PSEN1: variants seen among roughly 807,000 people sequenced by gnomAD.
PSEN1 encodes the protein presenilin 1.
Under a neutral mutation model 53.5 loss-of-function variants are expected in PSEN1, and 15 were observed. The ratio of observed to expected loss-of-function variants is 0.28; its 90% confidence interval spans 0.19 to 0.43. The LOEUF is 0.43. Among genes scored for constraint, PSEN1 ranks in the 20% least tolerant of loss-of-function variants. The pLI is 1.00. For synonymous variants in PSEN1, 208 were observed against 209.8 expected, an observed-to-expected ratio of 0.99 and a Z score of 0.08; for missense variants, 387 against 571.2, an observed-to-expected ratio of 0.68 and a Z score of 3.29.
rs1900054963 is a variant in PSEN1 at position 73,219,277 on chromosome 14, A to G, written c.1392A>G (p.Gln464=). The G allele has an allele frequency of 1.2e-6, 2 of 1,613,478 alleles. No individual in the cohort carries two copies. The highest frequency in any genetic ancestry group is 1.7e-6 in the Non-Finnish European group (2 of 1,179,502). ...TTATGGACCAATTAGCATTCCATCA[A>G]TTTTATATCTAGCATATTTGCGGTT... is the stretch of plus-strand genomic sequence containing the variant. ...QPFMDQLAFH[Q]FYI Residue 464 remains glutamine (Q), a synonymous_variant, in exon 12 of 12, where the codon CAA becomes CAG. Coordinates refer to ENST00000324501, the MANE Select transcript of PSEN1 (RefSeq NM_000021.4).
intron 10 of PSEN1, among the ~76,000 whole-genome samples, chr14:73,213,792 A>G (rs1259903652): frequency 6.6e-6 from 1 of 152,256 alleles, no homozygotes; most frequent in Non-Finnish European, 1.5e-5. Flanking sequence ...ATGCAAATCA[A>G]AACCACTTCA....
rs150292692 is a variant in PSEN1, at chr14:73,157,497, A to G, written c.87+9391A>G. ...GTGGTATAATTGACGTAAAATGTAC[A>G]TACTTAAAGTATACAGTGTGATGTT... On this transcript the variant is annotated intron_variant, in intron 3 of 11. Transcript: ENST00000324501. 3.3e-3 allele frequency among the ~76,000 whole-genome samples: 502 copies of G among 152,282 alleles called. 13 individuals are homozygous for G. Among genetic ancestry groups the G allele is most frequent in the Admixed American group, 0.029 (436 of 15,278 alleles).
intron 10 of PSEN1, among the ~76,000 whole-genome samples, chr14:73,216,132 C>T (rs554175516): frequency 2.0e-5 from 3 of 152,294 alleles, no homozygotes; most frequent in Admixed American, 6.5e-5. Flanking sequence ...AAACTGTAGA[C>T]ACATGCAGTA....
At chr14:73,210,589 A>G (rs1281533069) in intron 9 of PSEN1, among the ~76,000 whole-genome samples, 1 of 152,176 alleles carries the variant, frequency 6.6e-6, no homozygotes. Context: ...AGAAGTGAGG[A>G]GGGAGGGGGT....
At chr14:73,159,508 C>T (rs1279396928) in intron 3 of PSEN1, among the ~76,000 whole-genome samples, 1 of 152,118 alleles carries the variant, frequency 6.6e-6, no homozygotes, top group African/African-American at 2.4e-5. Flanking sequence ...GATTGTTATA[C>T]GTGGTCCAAG....
intron 8 of PSEN1, among the ~76,000 whole-genome samples, chr14:73,204,960 A>C (rs1364346550): frequency 6.6e-6 from 1 of 152,174 alleles, no homozygotes; most frequent in African/African-American, 2.4e-5. Flanking sequence ...GATTTAGTTA[A>C]ACAGTGTATT....
At chr14:73,181,890 C>T (rs575188803) in intron 5 of PSEN1, among the ~76,000 whole-genome samples, 1 of 152,180 alleles carries the variant, frequency 6.6e-6, no homozygotes, top group Non-Finnish European at 1.5e-5. Context: ...CCTCCCACCT[C>T]AACCTCCATG....
intron 6 of PSEN1, among the ~76,000 whole-genome samples, chr14:73,192,102 G>T (rs1486700366): frequency 6.6e-6 from 1 of 151,804 alleles, no homozygotes; most frequent in Non-Finnish European, 1.5e-5. Context: ...AAAAAGTTCA[G>T]CTTGGGAAAA....
rs1439647299 is a variant in PSEN1, at chr14:73,175,175, G to A, written c.480+1468G>A. On this transcript the variant is annotated intron_variant, in intron 5 of 11. Transcript: ENST00000324501. ...AAGTCTCGCTCTTGTCCCGCAGGCTGGAGTGTGACAGCGCGATCTTGGCTC... is the reference window on the plus strand; with the variant it reads ...AAGTCTCGCTCTTGTCCCGCAGGCTAGAGTGTGACAGCGCGATCTTGGCTC... Among the ~76,000 whole-genome samples the A allele has an allele frequency of 2.0e-5, 3 of 152,058 alleles. No homozygotes were observed. The East Asian group carries it at 5.8e-4, about 29-fold the overall frequency.
At chr14:73,189,567 G>A (rs1004735810) in intron 6 of PSEN1, among the ~76,000 whole-genome samples, 10 of 152,038 alleles carry the variant, frequency 6.6e-5, no homozygotes, top group Admixed American at 3.3e-4. Flanking sequence ...AGCCGAGATC[G>A]CACCATTGCA....
chr14:73,173,701 C>T lies in PSEN1; in HGVS notation c.474C>T (p.Cys158=). ...ILLVVLYKYR[C]YKVIHAWLII... is the part of the protein sequence containing the mutation. The stretch of plus-strand genomic sequence containing the variant: ...TGGTGGTTCTGTATAAATACAGGTG[C>T]TATAAGGTGAGCATGAGACACAGAT... The change falls in exon 5 of 12, where the codon TGC becomes TGT. Residue 158 remains cysteine, a synonymous_variant. Coordinates refer to ENST00000324501, the MANE Select transcript of PSEN1 (RefSeq NM_000021.4). The T allele has an allele frequency of 1.9e-6, 3 of 1,614,080 alleles. No homozygotes were observed. In the South Asian group the frequency reaches 3.3e-5, roughly 18 times the overall value.
Position 73,170,955 on chromosome 14 carries a change from G to A in PSEN1, c.246G>A (p.Val82=). The A allele has an allele frequency of 6.2e-7, 1 of 1,614,214 alleles. No individual in the cohort carries two copies. Among genetic ancestry groups the A allele is most frequent in the Non-Finnish European group, 8.5e-7 (1 of 1,180,032 alleles). Residue 82 remains valine, a synonymous_variant, in exon 4 of 12, where the codon GTG becomes GTA. Transcript: ENST00000324501. ...ELTLKYGAKH[V]IMLFVPVTLC... ...CATTGAAATATGGCGCCAAGCATGT[G>A]ATCATGCTCTTTGTCCCTGTGACTC...
chr14:73,158,282 T>TTCTATCTATCTATCTG (rs1555351587), intron 3 of PSEN1, among the ~76,000 whole-genome samples: 249 of 141,572 alleles, frequency 1.8e-3, no homozygotes, highest in African/African-American at 6.3e-3. Context: ...TAACTTTTTT[T>TTCTATCTATCTATCTG]TCTATCTATC....
intron 1 of PSEN1, among the ~76,000 whole-genome samples, chr14:73,140,997 G>A (rs1411489295): frequency 6.6e-6 from 1 of 152,164 alleles, no homozygotes; most frequent in Non-Finnish European, 1.5e-5. Context: ...GGCTATCCAT[G>A]ATAAGCTTTT....
chr14:73,153,972 T>G (rs1677304866), intron 3 of PSEN1, among the ~76,000 whole-genome samples: 1 of 152,032 alleles, frequency 6.6e-6, no homozygotes, highest in Non-Finnish European at 1.5e-5. Context: ...CCTAGGCCTC[T>G]CAAAGTGTTG....
chr14:73,158,336 T>TATA (rs1182608527), intron 3 of PSEN1, among the ~76,000 whole-genome samples: 1 of 114,704 alleles, frequency 8.7e-6, no homozygotes, highest in Non-Finnish European at 1.9e-5. Flanking sequence ...ATCTATCTAT[T>TATA]TTTAAGACGG....
chr14:73,155,846 T>C lies in PSEN1; in HGVS notation c.87+7740T>C, dbSNP rs1472579851. ...ATACTGTAATCATGGAAACCTGTCATTATCTGTTTATACAAACCCATAGAC... is the reference window on the plus strand; with the variant it reads ...ATACTGTAATCATGGAAACCTGTCACTATCTGTTTATACAAACCCATAGAC... On this transcript the variant is annotated intron_variant, in intron 3 of 11. Coordinates refer to ENST00000324501, the MANE Select transcript of PSEN1 (RefSeq NM_000021.4). Among the ~76,000 whole-genome samples, 5 of 152,124 alleles carry C rather than the reference T, an allele frequency of 3.3e-5. No individual in the cohort carries two copies. In the East Asian group the frequency reaches 9.6e-4, roughly 29 times the overall value.
At chr14:73,189,382 G>A (rs1041727097) in intron 6 of PSEN1, among the ~76,000 whole-genome samples, 2 of 152,042 alleles carry the variant, frequency 1.3e-5, no homozygotes, top group East Asian at 3.9e-4. Flanking sequence ...AGGCCGAGGC[G>A]GGTGGTTCAC....
chr14:73,203,441 A>C (rs2140118878), intron 8 of PSEN1, among the ~76,000 whole-genome samples: 1 of 152,222 alleles, frequency 6.6e-6, no homozygotes, highest in East Asian at 1.9e-4. Context: ...TTTTTCTTAC[A>C]TTTTTAACAG....
Sources: allele counts gnomAD v4.1 joint callset (sites outside exome capture counted in the v4.1 genomes callset), GRCh38; gene constraint gnomAD v4.1.1; transcripts MANE v1.5; gene names NCBI Gene and HGNC (gene_info 2026-07-23, HGNC 2026-07-21).